ALPK3: variants seen among roughly 807,000 people sequenced by gnomAD.
ALPK3 encodes alpha-protein kinase 3.
ALPK3 carries 102 observed loss-of-function variants against 140.0 expected under a neutral mutation model. The ratio of observed to expected loss-of-function variants is 0.73; its 90% CI spans 0.62 to 0.86. ALPK3 has a LOEUF of 0.86. ALPK3 is among the 40% of genes least tolerant of loss of function. ALPK3 has a pLI of 0.00. For missense variants in ALPK3, 2,254 were observed against 2,208.2 expected (o/e 1.02, Z -0.42); for synonymous variants, 938 against 898.5 (o/e 1.04, Z -0.79).
At chr15:84,859,132 G>T in intron 6 of ALPK3, 111 bp from the exon 7 acceptor site, 1 of 1,447,828 alleles carries the variant, frequency 6.9e-7, no homozygotes, top group Non-Finnish European at 9.4e-7. Flanking sequence ...GGTCTGTGTG[G>T]AGACTTGAAT....
In ALPK3 at chr15:84,839,020, G is replaced by A. The variant is rs760982683; in HGVS notation, c.345G>A (p.Thr115=). ...EPEVTWYKDD[T]ELDRYCGLPK... ...AGGTGACCTGGTACAAGGATGATAC[G>A]GAGCTGGACCGCTACTGTGGCTTGC... Residue 115 remains threonine, a synonymous_variant, in exon 4 of 14, where the codon ACG becomes ACA. Transcript: ENST00000258888. 6.8e-6 allele frequency: 11 copies of A among 1,613,958 alleles called. No homozygotes were observed. The highest frequency in any genetic ancestry group is 4.0e-5 in the African/African-American group (3 of 74,932).
chr15:84,831,672 A>G (rs1420576770), intron 3 of ALPK3, among the ~76,000 whole-genome samples: 1 of 152,114 alleles, frequency 6.6e-6, no homozygotes, highest in African/African-American at 2.4e-5. Flanking sequence ...TTTGTCATTA[A>G]TCTTCGATTG....
At chr15:84,866,112 A>G in intron 12 of ALPK3, among the ~76,000 whole-genome samples, 1 of 152,104 alleles carries the variant, frequency 6.6e-6, no homozygotes, top group Non-Finnish European at 1.5e-5. Flanking sequence ...CCTACCTAGC[A>G]CTCAGATTTT....
At chr15:84,838,794 G>T (rs1308668206) in intron 3 of ALPK3, among the ~76,000 whole-genome samples, 186 bp from the exon 4 acceptor site, 4 of 151,860 alleles carry the variant, frequency 2.6e-5, no homozygotes, top group Non-Finnish European at 4.4e-5. Flanking sequence ...TAATTTTTTT[G>T]TAGTTTTAGT....
intron 1 of ALPK3, among the ~76,000 whole-genome samples, chr15:84,818,045 C>T (rs1258898966): frequency 6.6e-6 from 1 of 152,052 alleles, no homozygotes; most frequent in East Asian, 1.9e-4. Flanking sequence ...CTGCTTAGCT[C>T]AGGGTGGGGA....
chr15:84,843,331 G>A (rs887761259), intron 5 of ALPK3, among the ~76,000 whole-genome samples: 54 of 152,336 alleles, frequency 3.5e-4, no homozygotes, highest in African/African-American at 1.2e-3. Flanking sequence ...AGCCGGGTGT[G>A]GTGGCACGTG....
In ALPK3 at chr15:84,840,630, C is replaced by A; in HGVS notation, c.1351C>A (p.Pro451Thr). Residue 451 changes from proline to threonine, a missense_variant, in exon 5 of 14, where the codon CCC becomes ACC. Physicochemically the swap from Pro to Thr is conservative, Grantham distance 38. Transcript: ENST00000258888. ...TGGGGAGAGTCCCAAGGGGAAGGCA[C>A]CCCTCAGGGCTAGAAGCGAGGGGGT... ...APGESPKGKA[P>T]LRARSEGVPG... is the part of the protein sequence containing the mutation. 6.4e-7 allele frequency: 1 copy of A among 1,559,938 alleles called. No homozygotes were observed. The highest frequency in any genetic ancestry group is 8.7e-7 in the Non-Finnish European group (1 of 1,155,866).
At chr15:84,831,723 T>A (rs1011705647) in intron 3 of ALPK3, among the ~76,000 whole-genome samples, 12 of 152,202 alleles carry the variant, frequency 7.9e-5, no homozygotes, top group Non-Finnish European at 1.3e-4. Context: ...GGCTGTCAGA[T>A]AATGAGCAAG....
At chr15:84,859,132 G>A in intron 6 of ALPK3, 111 bp from the exon 7 acceptor site, 1 of 1,447,828 alleles carries the variant, frequency 6.9e-7, no homozygotes, top group Non-Finnish European at 9.4e-7. Flanking sequence ...GGTCTGTGTG[G>A]AGACTTGAAT....
Position 84,859,873 on chromosome 15 carries a change from G to A in ALPK3, c.4063G>A (p.Ala1355Thr), listed in dbSNP as rs114686452. Residue 1355 changes from alanine (A) to threonine (T), a missense_variant, in exon 8 of 14, where the codon GCC becomes ACC. Ala to Thr is a moderately conservative substitution (Grantham distance 58, BLOSUM62 0). Around this residue, in one of 3 missense-constraint regions of ALPK3, gnomAD observed 2,088 missense variants for 2,022.9 expected, o/e 1.03. Transcript: ENST00000258888. ...RCTIHNEHGS[A>T]STDFCLSPEV... ...CACCATCCACAATGAGCACGGCTCG[G>A]CCTCCACCGACTTCTGCCTCAGCCC... 2.7e-4 allele frequency: 428 copies of A among 1,614,058 alleles called. 6 individuals carry two copies. In the African/African-American group the frequency reaches 5.2e-3, roughly 20 times the overall value.
rs984699055 is a variant in ALPK3 at position 84,856,812 on chromosome 15, A to G, written c.2074A>G (p.Thr692Ala). Residue 692 changes from threonine to alanine, a missense_variant, in exon 6 of 14, where the codon ACA (threonine) becomes GCA (alanine). By Grantham distance (58) the Thr-to-Ala change is moderately conservative. Coordinates refer to ENST00000258888, the MANE Select transcript of ALPK3 (RefSeq NM_020778.5). ...EDRKAQADKG[T>A]QEDRRMQGEK... ...CAGGAAGGCCCAGGCAGATAAGGGC[A>G]CACAGGAAGACAGAAGGATGCAGGG... The G allele has an allele frequency of 6.2e-7, 1 of 1,614,142 alleles. No homozygotes were observed. The highest frequency in any genetic ancestry group is 1.1e-5 in the South Asian group (1 of 91,074).
At chr15:84,835,286 G>A (rs978137414) in intron 3 of ALPK3, among the ~76,000 whole-genome samples, 17 of 152,188 alleles carry the variant, frequency 1.1e-4, no homozygotes, top group Non-Finnish European at 2.9e-5. Context: ...CATGGGGCTC[G>A]CTTTACAGCC....
rs767729526 is a variant in ALPK3, at chr15:84,868,496, A to G, written c.*40A>G. 3.2e-6 allele frequency: 5 copies of G among 1,547,094 alleles called. No individual in the cohort carries two copies. The Admixed American group carries it at 7.6e-5, about 24-fold the overall frequency. ...GGGGGCCTCCACCCAGCAGCAGACC[A>G]ACCAGGAAGCAGCTTGAACTGGATG... On this transcript the variant is annotated 3_prime_UTR_variant, in exon 14 of 14. Transcript: ENST00000258888.
rs370134731 is a variant in ALPK3, at chr15:84,859,824, C to T, written c.4014C>T (p.Pro1338=). ...PAALAIVQAS[P]VDCGVYRCTI... is the part of the protein sequence containing the mutation. Reference sequence around the variant, plus strand: ...CCTTGGCCATCGTGCAGGCCTCCCCCGTAGACTGCGGTGTGTATCGGTGCA... The same window carrying T: ...CCTTGGCCATCGTGCAGGCCTCCCCTGTAGACTGCGGTGTGTATCGGTGCA... Residue 1338 remains proline, a synonymous_variant, in exon 8 of 14, where the codon CCC becomes CCT. Transcript: ENST00000258888. 1.9e-5 allele frequency: 30 copies of T among 1,613,834 alleles called. No individual in the cohort carries two copies. The highest frequency in any genetic ancestry group is 1.6e-4 in the Middle Eastern group (1 of 6,076).
chr15:84,856,356 G>A lies in ALPK3; in HGVS notation c.1654-36G>A, dbSNP rs533702189. ...ACTGGAAAGAGATCTGAATGTCCAT[G>A]TAGTTAAATCCTTGCTTTTGTCCCT... On this transcript the variant is annotated intron_variant, in intron 5 of 13. Transcript: ENST00000258888. 1.9e-6 allele frequency: 3 copies of A among 1,552,294 alleles called. No homozygotes were observed. In the South Asian group the frequency reaches 3.8e-5, roughly 20 times the overall value.
chr15:84,839,019 C>G lies in ALPK3; in HGVS notation c.344C>G (p.Thr115Arg). Residue 115 changes from threonine to arginine, a missense_variant, in exon 4 of 14, where the codon ACG becomes AGG. Physicochemically the swap from Thr to Arg is moderately conservative, Grantham distance 71. Around this residue, in one of 3 missense-constraint regions of ALPK3, gnomAD observed 2,088 missense variants for 2,022.9 expected, o/e 1.03. Coordinates refer to ENST00000258888, the MANE Select transcript of ALPK3 (RefSeq NM_020778.5). ...GAGGTGACCTGGTACAAGGATGATA[C>G]GGAGCTGGACCGCTACTGTGGCTTG... ...EPEVTWYKDDTELDRYCGLPK... is the reference protein window; with the variant it reads ...EPEVTWYKDDRELDRYCGLPK... 1 of 1,614,066 alleles carries G rather than the reference C, an allele frequency of 6.2e-7. No individual in the cohort carries two copies. Among genetic ancestry groups the G allele is most frequent in the Non-Finnish European group, 8.5e-7 (1 of 1,179,970 alleles).
chr15:84,858,889 G>A (rs772315868), intron 6 of ALPK3, among the ~76,000 whole-genome samples: 3 of 152,198 alleles, frequency 2.0e-5, no homozygotes, highest in Admixed American at 6.5e-5. Context: ...CAGAGATGTC[G>A]CATGATTACA....
intron 1 of ALPK3, among the ~76,000 whole-genome samples, chr15:84,817,951 T>C (rs1449394309): frequency 6.6e-6 from 1 of 151,748 alleles, no homozygotes; most frequent in African/African-American, 2.4e-5. Context: ...CCAGAGTGGC[T>C]GAAATTCCTC....
rs942075049 is a variant in ALPK3, at chr15:84,864,290, A to C, written c.4500-152A>C. On this transcript the variant is annotated intron_variant, in intron 11 of 13. Coordinates refer to ENST00000258888, the MANE Select transcript of ALPK3 (RefSeq NM_020778.5). The stretch of plus-strand genomic sequence containing the variant: ...ATTTCCTTTCCCAAACTCAGGGTGG[A>C]GCTGCTTTCCTTTGCTGTCCTTTGG... 6.6e-6 allele frequency: 5 copies of C among 755,626 alleles called. No individual in the cohort carries two copies. The African/African-American group carries it at 8.8e-5, about 13-fold the overall frequency. 46.8% of individuals were successfully genotyped at this position (755,626 alleles called of 1,614,324 possible). A position where few individuals can be genotyped will look rare whatever the true frequency, so the allele number is the denominator to read the frequency against.
Sources: gnomAD v4.1 joint callset for allele counts (sites outside exome capture counted in the v4.1 genomes callset) on GRCh38, gnomAD v4.1.1 for gene constraint, gnomAD v4.1.1 regional missense constraint, MANE v1.5 for transcripts, NCBI Gene and HGNC (gene_info 2026-07-23, HGNC 2026-07-21) for gene names.